Variants in PCDHA9 observed in about 807,000 individuals in gnomAD.
The protein encoded by PCDHA9 is protocadherin alpha-9.
A neutral mutation model predicts 62.0 loss-of-function variants in PCDHA9; 62 were observed. The ratio of observed to expected loss-of-function variants is 1.00; its 90% CI spans 0.81 to 1.23. The LOEUF is 1.23. PCDHA9 is among the 50% of genes most tolerant of loss of function. The pLI is 0.00. For missense variants in PCDHA9, 1,205 were observed against 1,249.8 expected (o/e 0.96, Z 0.54); for synonymous variants, 557 against 567.6 (o/e 0.98, Z 0.27).
intron 1 of PCDHA9, chr5:140,859,978 C>T (rs1554152894): frequency 6.6e-6 from 1 of 151,802 alleles, no homozygotes. Context: ...TATACAAGTG[C>T]ATTAATCTCT....
At chr5:140,967,442 G>T in intron 1 of PCDHA9, 1 of 1,613,600 alleles carries the variant, frequency 6.2e-7, no homozygotes, top group Non-Finnish European at 8.5e-7. Context: ...GCACCACCTG[G>T]TTCTCACAGC....
chr5:140,957,021 T>C (rs1431974405), intron 1 of PCDHA9, among the ~76,000 whole-genome samples: 3 of 152,182 alleles, frequency 2.0e-5, no homozygotes, highest in Non-Finnish European at 2.9e-5. Context: ...AGTGAGCATT[T>C]AGATATTTAT....
Position 141,009,665 on chromosome 5 carries a change from G to T in PCDHA9, c.2581G>T (p.Gly861Cys). 6.2e-7 allele frequency: 1 copy of T among 1,614,022 alleles called. No individual in the cohort carries two copies. Among genetic ancestry groups the T allele is most frequent in the Non-Finnish European group, 8.5e-7 (1 of 1,180,006 alleles). The change falls in exon 4 of 4, where the codon GGT becomes TGT. Residue 861 changes from glycine to cysteine, a missense_variant. By Grantham distance (159) the Gly-to-Cys change is radical (BLOSUM62 -3). Transcript: ENST00000532602. The stretch of plus-strand genomic sequence containing the variant: ...AGAAGTGTCCCCTCCAGTCGGTGCG[G>T]GTGTCAACAGCAACAGCTGGACCTT... ...AGEVSPPVGA[G>C]VNSNSWTFKY...
chr5:140,856,178 G>T lies in PCDHA9; in HGVS notation c.2394+5289G>T, dbSNP rs782689818. ...CGAGGAGGCCAGACACGGCACCTTC[G>T]TGGGCCGCATCGCGCAGGACCTGGG... is the stretch of plus-strand genomic sequence containing the variant. On this transcript the variant is annotated intron_variant, in intron 1 of 3. Coordinates refer to ENST00000532602, the MANE Select transcript of PCDHA9 (RefSeq NM_031857.2). 6.3e-6 allele frequency: 10 copies of T among 1,598,138 alleles called. 2 individuals are homozygous for T. Among genetic ancestry groups the T allele is most frequent in the Non-Finnish European group, 8.6e-6 (10 of 1,167,922 alleles).
intron 1 of PCDHA9, chr5:140,882,750 A>G (rs781948584): frequency 1.9e-5 from 30 of 1,614,128 alleles, no homozygotes; most frequent in Non-Finnish European, 2.4e-5. Context: ...TCCGATGCAG[A>G]TATTGGAGTA....
chr5:140,873,065 C>G (rs1436390392), intron 1 of PCDHA9, among the ~76,000 whole-genome samples: 3 of 152,140 alleles, frequency 2.0e-5, no homozygotes, highest in Admixed American at 2.0e-4. Context: ...TCTTGAGAAT[C>G]ATATCTAGCT....
intron 1 of PCDHA9, among the ~76,000 whole-genome samples, chr5:140,919,172 A>G (rs144962710): frequency 6.6e-6 from 1 of 152,282 alleles, no homozygotes; most frequent in African/African-American, 2.4e-5. Flanking sequence ...TTTAGTTGCT[A>G]TATCTTCCTG....
chr5:140,857,320 G>T, intron 1 of PCDHA9: 1 of 1,598,728 alleles, frequency 6.3e-7, no homozygotes. Flanking sequence ...AGCTGGTGGT[G>T]ACCGCGCGGG....
chr5:140,884,239 C>T, intron 1 of PCDHA9: 1 of 1,613,424 alleles, frequency 6.2e-7, no homozygotes, highest in Non-Finnish European at 8.5e-7. Context: ...ACGGTGAGCC[C>T]GCGCTGACGG....
Position 140,956,280 on chromosome 5 carries a change from G to A in PCDHA9, c.2395-22669G>A, listed in dbSNP as rs554735108. On this transcript the variant is annotated intron_variant, in intron 1 of 3. Coordinates refer to ENST00000532602, the MANE Select transcript of PCDHA9 (RefSeq NM_031857.2). ...GCCCATTCAGTGTGGTATTGGCTGT[G>A]GGTTTATCATATATATGGCTCTTAT... Among the ~76,000 whole-genome samples, 16 of 152,206 alleles carry A rather than the reference G, an allele frequency of 1.1e-4. No individual in the cohort carries two copies. In the South Asian group the frequency reaches 3.3e-3, roughly 32 times the overall value.
intron 3 of PCDHA9, among the ~76,000 whole-genome samples, chr5:140,987,383 G>A (rs2097252098): frequency 6.6e-6 from 1 of 152,138 alleles, no homozygotes; most frequent in Admixed American, 6.5e-5. Flanking sequence ...GGGTCAGAAT[G>A]CATGCAAGGA....
In PCDHA9 at chr5:140,884,485, A is replaced by G. The variant is rs781880810; in HGVS notation, c.2394+33596A>G. 8 of 1,613,726 alleles carry G rather than the reference A, an allele frequency of 5.0e-6. No homozygotes were observed. The South Asian group carries it at 6.6e-5, about 13-fold the overall frequency. Reference sequence around the variant, plus strand: ...CGTGCGCGCCGGGCAAGCCCACTCTAGTGTGCTCCAGCGCGGCAGGGAGTT... The same window carrying G: ...CGTGCGCGCCGGGCAAGCCCACTCTGGTGTGCTCCAGCGCGGCAGGGAGTT... On this transcript the variant is annotated intron_variant, in intron 1 of 3. Transcript: ENST00000532602.
chr5:140,863,443 C>A (rs1389927128), intron 1 of PCDHA9: 2 of 591,510 alleles, frequency 3.4e-6, no homozygotes, highest in Non-Finnish European at 3.2e-6. Flanking sequence ...TGGTCTTACT[C>A]GCAGCAAAGG....
chr5:140,856,705 T>C lies in PCDHA9; in HGVS notation c.2394+5816T>C, dbSNP rs1180012715. 2.5e-6 allele frequency: 4 copies of C among 1,596,614 alleles called. No homozygotes were observed. The African/African-American group carries it at 5.4e-5, about 22-fold the overall frequency. ...TGACAGCAACTGATGGAGGCAAACC[T>C]GAATTTACCGGATCTGTTTCTCTGC... On this transcript the variant is annotated intron_variant, in intron 1 of 3. Transcript: ENST00000532602.
chr5:140,873,181 T>C (rs2153284921), intron 1 of PCDHA9, among the ~76,000 whole-genome samples: 1 of 152,304 alleles, frequency 6.6e-6, no homozygotes, highest in African/African-American at 2.4e-5. Flanking sequence ...TGTATCATAA[T>C]ATTCATTGGC....
chr5:140,979,186 C>T, intron 2 of PCDHA9, 179 bp downstream of exon 2: 2 of 914,118 alleles, frequency 2.2e-6, no homozygotes, highest in Non-Finnish European at 2.6e-6. Context: ...ATGGTCAGTG[C>T]CAGATGCTTA....
chr5:140,869,123 G>A, intron 1 of PCDHA9: 1 of 1,608,454 alleles, frequency 6.2e-7, no homozygotes, highest in South Asian at 1.1e-5. Flanking sequence ...TTTCAGAGAA[G>A]GGGATTGGGC....
At chr5:140,967,010 C>A (rs781936791) in intron 1 of PCDHA9, 2 of 1,606,340 alleles carry the variant, frequency 1.2e-6, no homozygotes, top group Admixed American at 3.3e-5. Context: ...CATCAACCAT[C>A]TGGGTGCGCC....
At chr5:140,876,483 G>T (rs373900620) in intron 1 of PCDHA9, 1 of 1,614,004 alleles carries the variant, frequency 6.2e-7, no homozygotes, top group Non-Finnish European at 8.5e-7. Flanking sequence ...GCATGGTCCT[G>T]GTGGAAGTTC....
Sources: allele counts gnomAD v4.1 joint callset (sites outside exome capture counted in the v4.1 genomes callset), GRCh38; gene constraint gnomAD v4.1.1; transcripts MANE v1.5; gene names NCBI Gene and HGNC (gene_info 2026-07-23, HGNC 2026-07-21).